FAAH2: variants seen among roughly 807,000 people sequenced by gnomAD.
FAAH2 encodes the protein fatty acid amide hydrolase 2.
A neutral mutation model predicts 36.9 loss-of-function variants in FAAH2; 60 were observed. The ratio of observed to expected loss-of-function variants is 1.63; its 90% CI spans 1.32 to 2.02. The LOEUF (loss-of-function observed/expected upper bound fraction) is 2.02. Among genes scored for constraint, FAAH2 ranks in the 30% most tolerant of loss-of-function variants. The pLI is 0.00. For synonymous variants in FAAH2, 214 were observed against 143.8 expected, an observed-to-expected ratio of 1.49 and a Z score of -3.49; for missense variants, 689 against 397.5, an observed-to-expected ratio of 1.73 and a Z score of -6.23.
At chrX:57,292,729 T>A (rs1485394051) in intron 2 of FAAH2, 149 bp downstream of exon 2, 25 of 423,516 alleles carry the variant, frequency 5.9e-5, no homozygotes, top group Non-Finnish European at 9.7e-5. Context: ...CTAATTTCAG[T>A]ATTTTGTCCT....
chrX:57,394,238 T>C, intron 7 of FAAH2: 2 of 723,680 alleles, frequency 2.8e-6, no homozygotes, highest in South Asian at 2.1e-5. Context: ...AAAAAAGTTC[T>C]GGTAAAGATG....
intron 2 of FAAH2, 127 bp from the exon 3 acceptor site, chrX:57,310,466 G>C: frequency 1.3e-6 from 1 of 752,599 alleles, no homozygotes; most frequent in Non-Finnish European, 1.8e-6. Context: ...GCTTTATAAG[G>C]CTCTTGACAA....
At chrX:57,427,919 G>T (rs917093377) in intron 7 of FAAH2, among the ~76,000 whole-genome samples, 1 of 111,479 alleles carries the variant, frequency 9.0e-6, no homozygotes, top group African/African-American at 3.3e-5. Context: ...TCAGGCAAGA[G>T]AAAGAAATAA....
intron 10 of FAAH2, among the ~76,000 whole-genome samples, chrX:57,459,250 A>G (rs902685528): frequency 7.1e-5 from 8 of 112,143 alleles, no homozygotes; most frequent in Non-Finnish European, 9.4e-5. Context: ...GCATGGCAAA[A>G]GCAGCTATGG....
intron 1 of FAAH2, among the ~76,000 whole-genome samples, chrX:57,288,036 G>T (rs767808857): frequency 9.0e-6 from 1 of 111,119 alleles, no homozygotes; most frequent in Non-Finnish European, 1.9e-5. Flanking sequence ...GGATGTATTC[G>T]GTTGGTGCAA....
At chrX:57,162,518 C>G in the FAAH2 span, among the ~76,000 whole-genome samples, 70 of 111,872 alleles carry the variant, frequency 6.3e-4, no homozygotes, top group African/African-American at 2.2e-3. Context: ...TAGATTTGGT[C>G]TTTTCACATA....
At chrX:57,149,193 A>G in the FAAH2 span, among the ~76,000 whole-genome samples, 1 of 111,680 alleles carries the variant, frequency 9.0e-6, no homozygotes, top group Non-Finnish European at 1.9e-5. Flanking sequence ...ATCAGTGTTC[A>G]TCAAGGATAT....
At chrX:57,453,845 G>C (rs774006003) in intron 10 of FAAH2, among the ~76,000 whole-genome samples, 1 of 112,344 alleles carries the variant, frequency 8.9e-6, no homozygotes, top group African/African-American at 3.2e-5. Flanking sequence ...AGATCACTGA[G>C]AGAAGTGGAG....
chrX:57,428,543 C>T (rs755804110), intron 7 of FAAH2, among the ~76,000 whole-genome samples: 22 of 111,675 alleles, frequency 2.0e-4, no homozygotes, highest in Non-Finnish European at 3.4e-4. Flanking sequence ...TAAAAATAGA[C>T]ACATAGATCA....
chrX:57,162,533 C>T, the FAAH2 span, among the ~76,000 whole-genome samples: 2 of 111,525 alleles, frequency 1.8e-5, no homozygotes, highest in South Asian at 3.8e-4. Context: ...CACATAGTCC[C>T]GTATTTCTTG....
At chrX:57,477,562 C>T (rs1174553253) in intron 10 of FAAH2, among the ~76,000 whole-genome samples, 1 of 110,734 alleles carries the variant, frequency 9.0e-6, no homozygotes, top group Non-Finnish European at 1.9e-5. Flanking sequence ...CACATGTATA[C>T]ATTTGCCATG....
At chrX:57,273,500 C>G in the FAAH2 span, among the ~76,000 whole-genome samples, 1 of 111,473 alleles carries the variant, frequency 9.0e-6, no homozygotes, top group East Asian at 2.8e-4. Flanking sequence ...AAATTGACCA[C>G]ATAATTGGAA....
chrX:57,468,987 C>T (rs749098858), intron 10 of FAAH2, among the ~76,000 whole-genome samples: 5 of 111,444 alleles, frequency 4.5e-5, no homozygotes, highest in Admixed American at 9.6e-5. Flanking sequence ...AATTTCATAT[C>T]CAGCCAAACT....
chrX:57,347,068 A>G (rs2053842260), intron 5 of FAAH2, among the ~76,000 whole-genome samples: 1 of 111,068 alleles, frequency 9.0e-6, no homozygotes, highest in Non-Finnish European at 1.9e-5. Flanking sequence ...TATAGTACCT[A>G]GCTGGAGTTC....
the FAAH2 span, among the ~76,000 whole-genome samples, chrX:57,239,241 G>A: frequency 0.37 from 40,357 of 110,072 alleles, 6,403 homozygotes; most frequent in Middle Eastern, 0.62. Context: ...GCTCTTTCTG[G>A]TTGGTAGGTT....
Position 57,482,709 on chromosome X carries a change from ATTTTTTT to A in FAAH2, c.1424-6033_1424-6027del, listed in dbSNP as rs368783162. On this transcript the variant is annotated intron_variant, in intron 10 of 10. Transcript: ENST00000374900. ...CGGCCATCTTGGCTTCATTCCCTCA[ATTTTTTT>A]TTTTTTTTTTTTTTGCTTGTCTGGG... Among the ~76,000 whole-genome samples, 9 of 63,878 alleles carry A rather than the reference ATTTTTTT, an allele frequency of 1.4e-4. No homozygotes were observed. The Admixed American group carries it at 1.7e-3, about 12-fold the overall frequency. 55.5% of individuals were successfully genotyped at this position (63,878 alleles called of 115,157 possible).
the FAAH2 span, among the ~76,000 whole-genome samples, chrX:57,142,097 C>T: frequency 8.9e-6 from 1 of 111,973 alleles, no homozygotes; most frequent in African/African-American, 3.2e-5. Flanking sequence ...CTTTCAGTTT[C>T]AATTTTATTT....
At chrX:57,373,876 A>C (rs2054608510) in intron 5 of FAAH2, among the ~76,000 whole-genome samples, 1 of 111,801 alleles carries the variant, frequency 8.9e-6, no homozygotes, top group South Asian at 3.7e-4. Flanking sequence ...TATCTGATCC[A>C]TCTTGAGTTG....
chrX:57,443,611 A>T (rs1322766106), intron 8 of FAAH2, among the ~76,000 whole-genome samples: 1 of 111,571 alleles, frequency 9.0e-6, no homozygotes, highest in Non-Finnish European at 1.9e-5. Context: ...TCTTCTCTCA[A>T]CTCATCAAAG....
Sources: allele counts gnomAD v4.1 joint callset (sites outside exome capture counted in the v4.1 genomes callset), GRCh38; gene constraint gnomAD v4.1.1; transcripts MANE v1.5; gene names NCBI Gene and HGNC (gene_info 2026-07-23, HGNC 2026-07-21).